LARS2: variants seen among roughly 807,000 people sequenced by gnomAD.
LARS2 encodes leucine--tRNA ligase, mitochondrial.
A neutral mutation model predicts 116.6 loss-of-function variants in LARS2; 81 were observed. That is an observed-to-expected ratio of 0.69 (90% CI 0.58 to 0.84). The LOEUF (loss-of-function observed/expected upper bound fraction) is 0.84. Ranked by LOEUF, LARS2 falls within the 40% of genes least tolerant of loss-of-function variation. The pLI is 0.00. For missense variants in LARS2, 968 were observed against 1,114.5 expected, an observed-to-expected ratio of 0.87 and a Z score of 1.87; for synonymous variants, 396 against 407.2, an observed-to-expected ratio of 0.97 and a Z score of 0.33.
At chr3:45,527,884 G>A (rs1343843607) in intron 20 of LARS2, among the ~76,000 whole-genome samples, 1 of 152,180 alleles carries the variant, frequency 6.6e-6, no homozygotes, top group Non-Finnish European at 1.5e-5. Context: ...AGAATAATAT[G>A]GCCTAGCTAT....
At chr3:45,402,998 G>A (rs747394320) in intron 4 of LARS2, among the ~76,000 whole-genome samples, 18 of 151,512 alleles carry the variant, frequency 1.2e-4, no homozygotes, top group East Asian at 2.0e-4. Context: ...TGAGCTACTC[G>A]GGAGGCTGAG....
At chr3:45,458,043 T>C (rs1007441014) in intron 7 of LARS2, among the ~76,000 whole-genome samples, 2 of 152,184 alleles carry the variant, frequency 1.3e-5, no homozygotes, top group Non-Finnish European at 2.9e-5. Flanking sequence ...GATGGTTACA[T>C]GAGTATGTAA....
chr3:45,408,621 T>C (rs1455424009), intron 4 of LARS2, among the ~76,000 whole-genome samples: 2 of 152,224 alleles, frequency 1.3e-5, no homozygotes, highest in African/African-American at 4.8e-5. Flanking sequence ...TCTCTCTCTC[T>C]GCCCTGGTTT....
intron 6 of LARS2, among the ~76,000 whole-genome samples, chr3:45,437,067 T>C (rs1009238086): frequency 6.6e-6 from 1 of 152,220 alleles, no homozygotes; most frequent in African/African-American, 2.4e-5. Flanking sequence ...AAAAAGACAG[T>C]GTGAGATGTC....
chr3:45,412,854 A>G (rs1394422535), intron 4 of LARS2, among the ~76,000 whole-genome samples: 1 of 152,236 alleles, frequency 6.6e-6, no homozygotes, highest in Non-Finnish European at 1.5e-5. Flanking sequence ...CAATATGGCA[A>G]AGTCTACTGT....
chr3:45,489,812 G>A (rs887864320), intron 12 of LARS2, among the ~76,000 whole-genome samples: 1 of 152,152 alleles, frequency 6.6e-6, no homozygotes, highest in Non-Finnish European at 1.5e-5. Context: ...GGTGAGGGGG[G>A]CATGGATCAG....
At chr3:45,512,209 G>A (rs538695052) in intron 15 of LARS2, among the ~76,000 whole-genome samples, 2 of 152,270 alleles carry the variant, frequency 1.3e-5, no homozygotes, top group East Asian at 3.9e-4. Context: ...TGTTTGTGGG[G>A]AACATCACTG....
rs139909317 is a variant in LARS2 at position 45,498,767 on chromosome 3, G to A, written c.1623-1675G>A. 1.8e-3 allele frequency among the ~76,000 whole-genome samples: 271 copies of A among 152,322 alleles called. 1 individual carries two copies. Among genetic ancestry groups the A allele is most frequent in the East Asian group, 3.9e-3 (20 of 5,182 alleles). On this transcript the variant is annotated intron_variant, in intron 14 of 21. Transcript: ENST00000645846. The stretch of plus-strand genomic sequence containing the variant: ...GCCAGCCAGTGCTGCCCCTCCCACC[G>A]AAGGTCCCAGCCAGAAAATGGAAAT...
At chr3:45,424,879 A>G (rs1454679003) in intron 6 of LARS2, among the ~76,000 whole-genome samples, 1 of 152,026 alleles carries the variant, frequency 6.6e-6, no homozygotes, top group Admixed American at 6.6e-5. Context: ...TGTCATCACC[A>G]TCTCTCTCAT....
At chr3:45,404,644 A>C (rs1336787733) in intron 4 of LARS2, among the ~76,000 whole-genome samples, 1 of 152,174 alleles carries the variant, frequency 6.6e-6, no homozygotes, top group Non-Finnish European at 1.5e-5. Context: ...GAGATATATG[A>C]AATAGTTCTA....
intron 19 of LARS2, among the ~76,000 whole-genome samples, chr3:45,521,472 AAAAT>A (rs1409385062): frequency 6.6e-6 from 1 of 152,188 alleles, no homozygotes; most frequent in Non-Finnish European, 1.5e-5. Context: ...TTTAAAAAGT[AAAAT>A]AAAGATAAAA....
chr3:45,489,783 C>T (rs1036882270), intron 12 of LARS2, among the ~76,000 whole-genome samples: 5 of 152,112 alleles, frequency 3.3e-5, no homozygotes, highest in African/African-American at 9.7e-5. Context: ...CCAGATACTC[C>T]GATTTGATGG....
At chr3:45,463,110 CT>C (rs375475086) in intron 8 of LARS2, among the ~76,000 whole-genome samples, 13 of 152,140 alleles carry the variant, frequency 8.5e-5, no homozygotes, top group African/African-American at 2.9e-4. Context: ...GGATTGGAGC[CT>C]TATATACAGC....
chr3:45,415,879 AGAGAGAGAGAGAGG>A (rs1283429959), intron 4 of LARS2, among the ~76,000 whole-genome samples: 24 of 101,418 alleles, frequency 2.4e-4, no homozygotes, highest in African/African-American at 2.1e-3. Context: ...ATATATATAG[AGAGAGAGAGAGAGG>A]GAGAGAGAGA....
At chr3:45,409,170 TATAA>T (rs1438756357) in intron 4 of LARS2, among the ~76,000 whole-genome samples, 3 of 152,080 alleles carry the variant, frequency 2.0e-5, no homozygotes, top group Non-Finnish European at 4.4e-5. Context: ...GGCTCAAGCA[TATAA>T]ATAGAGATGC....
In LARS2 at chr3:45,395,714, C is replaced by G. The variant is rs78292795; in HGVS notation, c.234+1027C>G. On this transcript the variant is annotated intron_variant, in intron 3 of 21. Transcript: ENST00000645846. ...CATCTCCTGATTCGGTCAACACATT[C>G]ATTCTTTCTGTGAGATTGGTGGTTA... Among the ~76,000 whole-genome samples the G allele has an allele frequency of 1.9e-3, 285 of 152,296 alleles. 2 individuals are homozygous for G. Among genetic ancestry groups the G allele is most frequent in the African/African-American group, 6.3e-3 (260 of 41,550 alleles).
At chr3:45,539,197 A>C (rs1700753962) in intron 20 of LARS2, among the ~76,000 whole-genome samples, 1 of 152,194 alleles carries the variant, frequency 6.6e-6, no homozygotes, top group African/African-American at 2.4e-5. Flanking sequence ...AGTTAAATGG[A>C]GAAGAAAATG....
chr3:45,515,994 C>A, intron 16 of LARS2, 100 bp from the exon 17 acceptor site: 1 of 832,932 alleles, frequency 1.2e-6, no homozygotes, highest in Non-Finnish European at 1.9e-6. Flanking sequence ...TTCAAATGGA[C>A]ACTTTCCATC....
intron 6 of LARS2, among the ~76,000 whole-genome samples, chr3:45,438,767 G>A (rs1406954268): frequency 2.6e-5 from 4 of 151,944 alleles, no homozygotes; most frequent in Admixed American, 2.0e-4. Context: ...CGTGGGAGGC[G>A]GAGGTTGCAG....
Sources: allele counts gnomAD v4.1 joint callset (sites outside exome capture counted in the v4.1 genomes callset), GRCh38; gene constraint gnomAD v4.1.1; transcripts MANE v1.5; gene names NCBI Gene and HGNC (gene_info 2026-07-23, HGNC 2026-07-21).